NPHP1: variants seen among roughly 807,000 people sequenced by gnomAD.
NPHP1 encodes nephrocystin 1, also known as nephrocystin-1.
NPHP1 carries 70 observed loss-of-function variants against 90.4 expected under a neutral mutation model. The observed-to-expected ratio is 0.77, with a 90% CI of 0.64 to 0.95. The LOEUF is 0.95. NPHP1 is among the 40% of genes least tolerant of loss of function. NPHP1 has a pLI of 0.00. For synonymous variants in NPHP1, 256 were observed against 271.7 expected (o/e 0.94, Z 0.57); for missense variants, 764 against 795.9 (o/e 0.96, Z 0.48).
intron 16 of NPHP1, 39 bp from the exon 17 acceptor site, chr2:110,131,830 C>T (rs759595071): frequency 3.6e-5 from 44 of 1,229,754 alleles, no homozygotes; most frequent in Non-Finnish European, 4.9e-5. Flanking sequence ...TAGACAATCC[C>T]CTACAATCCA....
At chr2:110,151,168 G>GAAAAAA (rs35894521) in intron 11 of NPHP1, among the ~76,000 whole-genome samples, 6 of 116,476 alleles carry the variant, frequency 5.2e-5, no homozygotes, top group South Asian at 3.0e-4. Flanking sequence ...TCAGTCTCAA[G>GAAAAAA]AAAAAAAAAA....
chr2:110,139,195 T>C (rs551459047), intron 16 of NPHP1, among the ~76,000 whole-genome samples: 4 of 133,890 alleles, frequency 3.0e-5, no homozygotes, highest in African/African-American at 1.2e-4. Context: ...AATGAATTTA[T>C]AGCAAATTTA....
At chr2:110,166,963 C>T (rs1682770600) in intron 6 of NPHP1, among the ~76,000 whole-genome samples, 1 of 151,984 alleles carries the variant, frequency 6.6e-6, no homozygotes, top group South Asian at 2.1e-4. Flanking sequence ...GTAAAACACA[C>T]ATTGGATTTT....
At chr2:110,134,514 G>A (rs1460024253) in intron 16 of NPHP1, among the ~76,000 whole-genome samples, 6 of 141,524 alleles carry the variant, frequency 4.2e-5, no homozygotes, top group African/African-American at 1.6e-4. Flanking sequence ...TAGTAAAAAA[G>A]CCAACAATAC....
intron 19 of NPHP1, chr2:110,125,371 G>C (rs1679277195): frequency 6.7e-7 from 1 of 1,493,248 alleles, no homozygotes; most frequent in African/African-American, 1.4e-5. Context: ...ACAACTGAGA[G>C]ACTTTGGCTT....
intron 2 of NPHP1, chr2:110,184,389 G>A (rs1684135093): frequency 3.2e-6 from 2 of 617,886 alleles, no homozygotes; most frequent in Non-Finnish European, 6.0e-6. Context: ...GCTCCTCACT[G>A]AGGCACCTTT....
At chr2:110,202,494 A>G (rs1240005346) in intron 1 of NPHP1, 1 of 452,502 alleles carries the variant, frequency 2.2e-6, no homozygotes, top group Non-Finnish European at 4.5e-6. Flanking sequence ...GAAGACAGGG[A>G]AGAATTAGCT....
chr2:110,169,770 G>A (rs751092900), intron 5 of NPHP1, 36 bp downstream of exon 5: 34 of 1,430,528 alleles, frequency 2.4e-5, no homozygotes, highest in Non-Finnish European at 3.0e-5. Context: ...TATGGACATC[G>A]ACCCTTAGGT....
Position 110,143,571 on chromosome 2 carries a change from G to C in NPHP1, c.1500C>G (p.Ser500=). Residue 500 remains serine, a synonymous_variant, in exon 16 of 20, where the codon TCC becomes TCG. Coordinates refer to ENST00000445609, the MANE Select transcript of NPHP1 (RefSeq NM_001128178.3). ...RQPQLLVKLR[S]LNRRSRNVLS... ...GTACATTTCTTGATCTTCTGTTCAAGGATCTCAGTTTCACTAGAAGTTGAG... is the reference window on the plus strand; with the variant it reads ...GTACATTTCTTGATCTTCTGTTCAACGATCTCAGTTTCACTAGAAGTTGAG... 6.2e-7 allele frequency: 1 copy of C among 1,613,238 alleles called. No individual in the cohort carries two copies.
chr2:110,161,282 A>ATGTG (rs1682304287), intron 10 of NPHP1, among the ~76,000 whole-genome samples: 1 of 152,198 alleles, frequency 6.6e-6, no homozygotes, highest in Non-Finnish European at 1.5e-5. Context: ...AATTATCAAA[A>ATGTG]TAACTTTATG....
rs369485798 is a variant in NPHP1, at chr2:110,164,374, C to T, written c.771+314G>A. ...TTTATTAAAGGCTTTCAGGATTTTT[C>T]GAATAGTAAATAAAATTTAACATCT... On this transcript the variant is annotated intron_variant, in intron 8 of 19. Transcript: ENST00000445609. The T allele has an allele frequency of 1.6e-3, 1,002 of 646,246 alleles. 4 individuals are homozygous for T. The highest frequency in any genetic ancestry group is 9.4e-3 in the Middle Eastern group (23 of 2,446). The allele number at this position is 646,246 out of a possible 1,614,324, so 40.0% of individuals were successfully genotyped here. A position where few individuals can be genotyped will look rare whatever the true frequency, so the allele number is the denominator to read the frequency against.
intron 2 of NPHP1, among the ~76,000 whole-genome samples, chr2:110,187,395 G>A (rs1204626252): frequency 6.6e-6 from 1 of 152,116 alleles, no homozygotes; most frequent in Non-Finnish European, 1.5e-5. Flanking sequence ...ACACCTCTAT[G>A]CACATGAACT....
At chr2:110,147,428 T>C (rs1003146942) in intron 13 of NPHP1, among the ~76,000 whole-genome samples, 2 of 152,132 alleles carry the variant, frequency 1.3e-5, no homozygotes, top group African/African-American at 4.8e-5. Flanking sequence ...ACTATACCTA[T>C]CAAGCTATTA....
At chr2:110,154,360 G>A (rs1211122699) in intron 11 of NPHP1, among the ~76,000 whole-genome samples, 1 of 152,158 alleles carries the variant, frequency 6.6e-6, no homozygotes, top group Non-Finnish European at 1.5e-5. Context: ...TCAGCAGCAT[G>A]AGAATGAACT....
chr2:110,133,597 A>T (rs570964437), intron 16 of NPHP1, among the ~76,000 whole-genome samples: 1 of 152,148 alleles, frequency 6.6e-6, no homozygotes, highest in Admixed American at 6.5e-5. Flanking sequence ...TCAAGTGCAC[A>T]TGACATATTC....
intron 16 of NPHP1, among the ~76,000 whole-genome samples, chr2:110,139,233 G>T (rs201533534): frequency 7.1e-6 from 1 of 139,946 alleles, no homozygotes; most frequent in Admixed American, 6.9e-5. Flanking sequence ...ACACACACAC[G>T]CAACCTACTT....
intron 2 of NPHP1, among the ~76,000 whole-genome samples, chr2:110,192,907 A>C (rs1044209109): frequency 2.6e-5 from 4 of 152,136 alleles, no homozygotes; most frequent in African/African-American, 7.2e-5. Context: ...AGCCAAACTA[A>C]GCTTCATAAG....
chr2:110,187,450 T>C (rs1684374956), intron 2 of NPHP1, among the ~76,000 whole-genome samples: 1 of 152,042 alleles, frequency 6.6e-6, no homozygotes, highest in South Asian at 2.1e-4. Context: ...ACATACACCC[T>C]CCCAAGACTG....
chr2:110,137,471 T>C (rs1680283920), intron 16 of NPHP1, among the ~76,000 whole-genome samples: 1 of 151,900 alleles, frequency 6.6e-6, no homozygotes, highest in Non-Finnish European at 1.5e-5. Context: ...CTCAGACAAA[T>C]TTACAAGAAA....
Sources: allele counts gnomAD v4.1 joint callset (sites outside exome capture counted in the v4.1 genomes callset), GRCh38; gene constraint gnomAD v4.1.1; transcripts MANE v1.5; gene names NCBI Gene and HGNC (gene_info 2026-07-23, HGNC 2026-07-21).